Variants in RBBP8NL observed in about 807,000 individuals in gnomAD.
The protein encoded by RBBP8NL is RBBP8 N-terminal-like protein.
A neutral mutation model predicts 62.2 loss-of-function variants in RBBP8NL; 59 were observed. The ratio of observed to expected loss-of-function variants is 0.95; its 90% CI spans 0.77 to 1.18. The LOEUF is 1.18. Ranked by LOEUF, RBBP8NL falls within the 50% of genes most tolerant of loss-of-function variation. The pLI, the probability that RBBP8NL is intolerant of heterozygous loss-of-function variation, is 0.00. For synonymous variants in RBBP8NL, 412 were observed against 394.1 expected (o/e 1.05, Z -0.54); for missense variants, 896 against 899.5 (o/e 1.00, Z 0.05).
chr20:62,414,393 G>A lies in RBBP8NL; in HGVS notation c.958C>T (p.Gln320Ter). The change falls in exon 10 of 14, where the codon CAG (glutamine) becomes TAG (stop). Residue 320 changes from glutamine to a stop codon, truncating the protein, a stop_gained. Transcript: ENST00000252998. LOFTEE classifies it high-confidence loss of function. ...TCTGCTTCTCTGGCCTTCAGGTCCT[G>A]GAGCCGGGGGTCGCTGGGGGCTGCA... is the stretch of plus-strand genomic sequence containing the variant. ...PAAAPSDPRL[Q>*]DLKAREAEAW... is the part of the protein sequence containing the mutation. The A allele has an allele frequency of 7.8e-6, 12 of 1,538,700 alleles. No homozygotes were observed. Among genetic ancestry groups the A allele is most frequent in the Non-Finnish European group, 1.1e-5 (12 of 1,136,224 alleles).
rs775603744 is a variant in RBBP8NL at position 62,417,223 on chromosome 20, C to T, written c.200+1G>A. On this transcript the variant is annotated splice_donor_variant, in intron 4 of 13. Transcript: ENST00000252998. LOFTEE classifies it high-confidence loss of function. ...GCTGCGAGGTGTCCTCCCAGGCCCA[C>T]CTGTTCTCCAGCACCCGCAGGTTCT... 4 of 1,597,534 alleles carry T rather than the reference C, an allele frequency of 2.5e-6. No homozygotes were observed. In the Admixed American group the frequency reaches 6.9e-5, roughly 28 times the overall value.
At chr20:62,415,099 T>A in intron 9 of RBBP8NL, 22 bp downstream of exon 9, 1 of 1,446,510 alleles carries the variant, frequency 6.9e-7, no homozygotes, top group Non-Finnish European at 9.1e-7. Context: ...CTACTCTGGG[T>A]GAGGGTGGGG....
rs949346374 is a variant in RBBP8NL at position 62,421,528 on chromosome 20, G to A, written c.-83-1798C>T. Among the ~76,000 whole-genome samples, 11 of 149,350 alleles carry A rather than the reference G, an allele frequency of 7.4e-5. No individual in the cohort carries two copies. In the South Asian group the frequency reaches 1.3e-3, roughly 17 times the overall value. On this transcript the variant is annotated intron_variant, in intron 1 of 13. Coordinates refer to ENST00000252998, the MANE Select transcript of RBBP8NL (RefSeq NM_080833.3). The stretch of plus-strand genomic sequence containing the variant: ...TGTGTGTGATAGCCAGTGTGCATGT[G>A]TGTGCACACCCAAGTCAGTGTGCAT...
At position 62,417,316 on chromosome 20, in the gene RBBP8NL, G is replaced by A. The variant is rs147470684; in HGVS notation, c.108C>T (p.Asp36=). The A allele has an allele frequency of 3.9e-5, 62 of 1,590,634 alleles. No individual in the cohort carries two copies. Among genetic ancestry groups the A allele is most frequent in the Middle Eastern group, 3.7e-4 (2 of 5,358 alleles). The part of the protein sequence containing the change: ...LLELNSERCR[D]AQRIEELFSK... Reference sequence around the variant, plus strand: ...AGAAGAGCTCCTCGATCCTCTGGGCGTCCCTGTGGTGGGAAACAGCTAAAG... The same window carrying A: ...AGAAGAGCTCCTCGATCCTCTGGGCATCCCTGTGGTGGGAAACAGCTAAAG... Residue 36 remains aspartate (D), a synonymous_variant, in exon 4 of 14, where the codon GAC becomes GAT. Coordinates refer to ENST00000252998, the MANE Select transcript of RBBP8NL (RefSeq NM_080833.3).
At chr20:62,424,316 G>A (rs1236624912) in intron 1 of RBBP8NL, among the ~76,000 whole-genome samples, 2 of 152,060 alleles carry the variant, frequency 1.3e-5, no homozygotes, top group African/African-American at 2.4e-5. Context: ...GGTGTGAGGG[G>A]CGCATGTCTG....
intron 2 of RBBP8NL, among the ~76,000 whole-genome samples, chr20:62,419,022 T>A (rs543504350): frequency 6.6e-6 from 1 of 151,344 alleles, no homozygotes; most frequent in African/African-American, 2.4e-5. Flanking sequence ...GGGGGTGGTG[T>A]GGGGGCTGCG....
chr20:62,419,378 G>A (rs554218306), intron 2 of RBBP8NL, among the ~76,000 whole-genome samples: 134 of 152,266 alleles, frequency 8.8e-4, no homozygotes, highest in African/African-American at 3.0e-3. Context: ...CCCGCTTGAG[G>A]TCAGCACTCG....
intron 1 of RBBP8NL, among the ~76,000 whole-genome samples, chr20:62,422,607 TG>T (rs1988727526): frequency 1.5e-5 from 1 of 66,982 alleles, no homozygotes. Context: ...GGGACTGGGG[TG>T]GGGATGGGGC....
chr20:62,416,365 C>A, intron 5 of RBBP8NL, 129 bp from the exon 6 acceptor site: 1 of 820,212 alleles, frequency 1.2e-6, no homozygotes. Flanking sequence ...TGGCAGGCAG[C>A]AGGGGCGCCG....
intron 4 of RBBP8NL, 66 bp downstream of exon 4, chr20:62,417,156 CCT>C (rs1988586566): frequency 8.4e-7 from 1 of 1,197,274 alleles, no homozygotes; most frequent in African/African-American, 1.5e-5. Context: ...TCCGAGGAGC[CCT>C]GTCACCTCCT....
intron 1 of RBBP8NL, among the ~76,000 whole-genome samples, chr20:62,426,203 C>T (rs1332452086): frequency 6.6e-6 from 1 of 152,104 alleles, no homozygotes; most frequent in Non-Finnish European, 1.5e-5. Flanking sequence ...GTGGCAGTGG[C>T]ATTAGCAGTG....
chr20:62,415,055 G>A, intron 9 of RBBP8NL, 66 bp downstream of exon 9: 1 of 1,392,826 alleles, frequency 7.2e-7, no homozygotes, highest in Non-Finnish European at 9.5e-7. Context: ...GGACTGCCCT[G>A]GGACCAGGGG....
chr20:62,426,998 G>A (rs1382291356), intron 1 of RBBP8NL, among the ~76,000 whole-genome samples: 1 of 152,216 alleles, frequency 6.6e-6, no homozygotes, highest in Non-Finnish European at 1.5e-5. Flanking sequence ...CTTCCCCACA[G>A]ACACAGCGGC....
intron 7 of RBBP8NL, 39 bp downstream of exon 7, chr20:62,415,749 G>A (rs983443886): frequency 3.1e-6 from 5 of 1,610,036 alleles, no homozygotes; most frequent in Non-Finnish European, 4.2e-6. Flanking sequence ...TGGTCCTGCG[G>A]GGGCCCAGCC....
At position 62,414,181 on chromosome 20, in the gene RBBP8NL, G is replaced by T. The variant is rs758203487; in HGVS notation, c.1170C>A (p.Val390=). 1.1e-5 allele frequency: 17 copies of T among 1,609,428 alleles called. No individual in the cohort carries two copies. Among genetic ancestry groups the T allele is most frequent in the Non-Finnish European group, 1.4e-5 (17 of 1,179,244 alleles). The change falls in exon 10 of 14, where the codon GTC becomes GTA. Residue 390 remains valine, a synonymous_variant. Transcript: ENST00000252998. ...TCTCAGGGCCCTCAGAGTCTGAGCC[G>T]ACTGGTAGGGAGGGCAGCATCTCCC... ...TPGEMLPSLP[V]GSDSEGPENE... is the part of the protein sequence containing the mutation.
Position 62,415,824 on chromosome 20 carries a change from C to G in RBBP8NL, c.508G>C (p.Glu170Gln), listed in dbSNP as rs748399057. 5 of 1,612,524 alleles carry G rather than the reference C, an allele frequency of 3.1e-6. No homozygotes were observed. The highest frequency in any genetic ancestry group is 1.7e-5 in the Admixed American group (1 of 60,018). Residue 170 changes from glutamate (E) to glutamine (Q), a missense_variant, in exon 7 of 14, where the codon GAG becomes CAG. Glu to Gln is a conservative substitution (Grantham distance 29). Transcript: ENST00000252998. Reference sequence around the variant, plus strand: ...AGGCCCACGCCCTGGTGGTCTTCCTCAGCCTCCTCGTGGCCTCCCGGTGGC... The same window carrying G: ...AGGCCCACGCCCTGGTGGTCTTCCTGAGCCTCCTCGTGGCCTCCCGGTGGC... ...EKPPGGHEEA[E>Q]EDHQGVGLRG...
Position 62,410,801 on chromosome 20 carries a change from A to T in RBBP8NL, c.*77T>A, listed in dbSNP as rs1172233988. The T allele has an allele frequency of 5.2e-6, 5 of 954,932 alleles. No homozygotes were observed. The highest frequency in any genetic ancestry group is 1.6e-5 in the African/African-American group (1 of 61,416). 59.2% of individuals were successfully genotyped at this position (954,932 alleles called of 1,614,324 possible). A position where few individuals can be genotyped will look rare whatever the true frequency, so the allele number is the denominator to read the frequency against. On this transcript the variant is annotated 3_prime_UTR_variant, in exon 14 of 14. Transcript: ENST00000252998. ...CTGTGCAGGGCTGCCTGCTGGTTGG[A>T]TGGTGTGCCCTCTCCAGGCCCTGGT...
In RBBP8NL at chr20:62,426,189, G is replaced by A. The variant is rs1015789975; in HGVS notation, c.-84+1271C>T. On this transcript the variant is annotated intron_variant, in intron 1 of 13. Coordinates refer to ENST00000252998, the MANE Select transcript of RBBP8NL (RefSeq NM_080833.3). ...CAGTGGCAGTGGAAGCAGCGGCAGCGGCAGTGGCAGTGGCATTAGCAGTGG... is the reference window on the plus strand; with the variant it reads ...CAGTGGCAGTGGAAGCAGCGGCAGCAGCAGTGGCAGTGGCATTAGCAGTGG... Among the ~76,000 whole-genome samples, 8 of 151,902 alleles carry A rather than the reference G, an allele frequency of 5.3e-5. No homozygotes were observed. In the Middle Eastern group the frequency reaches 0.01, roughly 196 times the overall value.
At chr20:62,416,111 C>A (rs879207185) in intron 6 of RBBP8NL, 53 bp downstream of exon 6, 2 of 1,551,684 alleles carry the variant, frequency 1.3e-6, no homozygotes, top group African/African-American at 2.7e-5. Flanking sequence ...GGGTGCTGCT[C>A]GGGGGGTGCT....
Sources: allele counts gnomAD v4.1 joint callset (sites outside exome capture counted in the v4.1 genomes callset), GRCh38; gene constraint gnomAD v4.1.1; transcripts MANE v1.5; gene names NCBI Gene and HGNC (gene_info 2026-07-23, HGNC 2026-07-21).